The following NDUFA10 variants were observed in gnomAD, a reference collection of about 807,000 sequenced individuals.
The protein encoded by NDUFA10 is NADH:ubiquinone oxidoreductase subunit A10.
A neutral mutation model predicts 47.8 loss-of-function variants in NDUFA10; 40 were observed. The observed-to-expected ratio is 0.84, with a 90% CI of 0.65 to 1.09. NDUFA10 has a LOEUF of 1.09. Ranked by LOEUF, NDUFA10 falls within the 50% of genes least tolerant of loss-of-function variation. The pLI is 0.00. For missense variants in NDUFA10, 413 were observed against 451.1 expected (o/e 0.92, Z 0.76); for synonymous variants, 183 against 172.2 (o/e 1.06, Z -0.49).
intron 4 of NDUFA10, among the ~76,000 whole-genome samples, chr2:239,922,524 T>C (rs1694006375): frequency 6.6e-6 from 1 of 152,228 alleles, no homozygotes; most frequent in African/African-American, 2.4e-5. Context: ...TGACCATGTG[T>C]TCCTCTAGAC....
intron 8 of NDUFA10, among the ~76,000 whole-genome samples, chr2:239,999,030 G>A (rs931195404): frequency 1.3e-5 from 2 of 152,172 alleles, no homozygotes; most frequent in African/African-American, 2.4e-5. Flanking sequence ...TGAGCTGCTG[G>A]CAGAGGGGAG....
In NDUFA10 at chr2:240,014,753, G is replaced by A. The variant is rs866538036; in HGVS notation, c.655C>T (p.Gln219Ter). The change falls in exon 5 of 10, where the codon CAG becomes TAG. Residue 219 changes from glutamine (Q) to a stop codon, truncating the protein, a stop_gained. Transcript: ENST00000252711. LOFTEE classifies it high-confidence loss of function. ...VPVPEVQRRIQKKGDPHEMKI... is the reference protein window; with the variant it reads ...VPVPEVQRRI ...AACTGCATTACATCTCCTTTCTTCTGAATCCGCCTCTGGACCTCTGGAACG... is the reference window on the plus strand; with the variant it reads ...AACTGCATTACATCTCCTTTCTTCTAAATCCGCCTCTGGACCTCTGGAACG... 2 of 1,614,062 alleles carry A rather than the reference G, an allele frequency of 1.2e-6. No homozygotes were observed. Among genetic ancestry groups the A allele is most frequent in the African/African-American group, 2.7e-5 (2 of 74,918 alleles).
intron 4 of NDUFA10, among the ~76,000 whole-genome samples, chr2:239,929,383 C>T (rs565395111): frequency 3.3e-5 from 5 of 152,264 alleles, no homozygotes; most frequent in African/African-American, 1.2e-4. Flanking sequence ...CTCTTGTGGT[C>T]TCAGGTCTCA....
At chr2:239,904,241 G>A (rs538382576) in intron 4 of NDUFA10, among the ~76,000 whole-genome samples, 48 of 151,900 alleles carry the variant, frequency 3.2e-4, no homozygotes, top group Admixed American at 3.1e-3. Flanking sequence ...CAACCCTAAA[G>A]GTGCCTCTTC....
rs567989168 is a variant in NDUFA10 at position 239,945,516 on chromosome 2, C to T, written c.294+44558G>A. Among the ~76,000 whole-genome samples the T allele has an allele frequency of 2.4e-4, 37 of 152,218 alleles. No homozygotes were observed. The East Asian group carries it at 2.9e-3, about 12-fold the overall frequency. On this transcript the variant is annotated intron_variant, in intron 4 of 5. Coordinates refer to the NDUFA10 transcript ENST00000419408. This position sits in a 1 kb window ranked among gnomAD's most constrained non-coding sequence, Gnocchi z 4.6. ...CACCGCGAGGCTCCCTGCGCCCCAC[C>T]GAGCCGGTCAGGGCTGCAGTCTACC...
intron 6 of NDUFA10, among the ~76,000 whole-genome samples, chr2:240,008,070 C>T (rs1476779943): frequency 3.3e-5 from 5 of 152,196 alleles, no homozygotes; most frequent in Admixed American, 6.5e-5. Context: ...CTTCAACAGA[C>T]CACTGGTTGA....
In NDUFA10 at chr2:239,990,140, A is replaced by G; in HGVS notation, c.933T>C (p.Pro311=). 1 of 1,614,068 alleles carries G rather than the reference A, an allele frequency of 6.2e-7. No individual in the cohort carries two copies. Among genetic ancestry groups the G allele is most frequent in the Non-Finnish European group, 8.5e-7 (1 of 1,179,922 alleles). The change falls in exon 9 of 10, where the codon CCT becomes CCC. Residue 311 remains proline, a synonymous_variant. Coordinates refer to ENST00000252711, the MANE Select transcript of NDUFA10 (RefSeq NM_004544.4). The part of the protein sequence containing the change: ...KFEVLNYTSI[P]IFLPEVTIGA... ...CAATGGTGACTTCCGGGAGAAAGATAGGAATGCTTGTGTAATTCAGCACCT... is the reference window on the plus strand; with the variant it reads ...CAATGGTGACTTCCGGGAGAAAGATGGGAATGCTTGTGTAATTCAGCACCT...
chr2:239,976,058 C>G lies in NDUFA10; in HGVS notation c.999+14016G>C, dbSNP rs1695503794. 2.6e-5 allele frequency among the ~76,000 whole-genome samples: 4 copies of G among 152,266 alleles called. No homozygotes were observed. The South Asian group carries it at 8.3e-4, about 32-fold the overall frequency. On this transcript the variant is annotated intron_variant, in intron 9 of 9. Transcript: ENST00000252711. ...TTACTCTAAATAAAGCCCATAAATC[C>G]TCAGTATCTATGAATCTTAAATTCT...
intron 9 of NDUFA10, among the ~76,000 whole-genome samples, chr2:239,971,959 GTC>G (rs1357338765): frequency 6.6e-6 from 1 of 152,124 alleles, no homozygotes; most frequent in African/African-American, 2.4e-5. Context: ...TTTCTTGGGT[GTC>G]TGTTAGGTTA....
At chr2:240,017,747 G>T in intron 4 of NDUFA10, 2 of 1,308,998 alleles carry the variant, frequency 1.5e-6, no homozygotes, top group Non-Finnish European at 2.2e-6. Context: ...AAGCTCACAG[G>T]TGGAGTACCG....
Position 239,990,101 on chromosome 2 carries a change from A to G in NDUFA10, c.972T>C (p.Thr324=), listed in dbSNP as rs1253657233. ...LPEVTIGAHQ[T]DRVLHQFREL... ...CTCTGAACTGATGTAAGACACGGTCAGTCTGATGAGCTCCAATGGTGACTT... is the reference window on the plus strand; with the variant it reads ...CTCTGAACTGATGTAAGACACGGTCGGTCTGATGAGCTCCAATGGTGACTT... The change falls in exon 9 of 10, where the codon ACT becomes ACC. Residue 324 remains threonine (T), a synonymous_variant. Coordinates refer to ENST00000252711, the MANE Select transcript of NDUFA10 (RefSeq NM_004544.4). 2 of 1,612,930 alleles carry G rather than the reference A, an allele frequency of 1.2e-6. No homozygotes were observed. Among genetic ancestry groups the G allele is most frequent in the African/African-American group, 2.7e-5 (2 of 74,908 alleles).
chr2:239,979,526 A>G (rs1695684535), intron 9 of NDUFA10, among the ~76,000 whole-genome samples: 1 of 152,076 alleles, frequency 6.6e-6, no homozygotes, highest in Admixed American at 6.5e-5. Context: ...GAAAACCTAA[A>G]AAGCAAGAAG....
chr2:239,971,089 T>G (rs1695286884), intron 9 of NDUFA10, among the ~76,000 whole-genome samples: 1 of 152,252 alleles, frequency 6.6e-6, no homozygotes, highest in Non-Finnish European at 1.5e-5. Context: ...AGGCAGTTAC[T>G]TATCAGAGAA....
intron 9 of NDUFA10, among the ~76,000 whole-genome samples, chr2:239,963,792 A>G (rs749758236): frequency 1.3e-4 from 20 of 152,202 alleles, no homozygotes; most frequent in Non-Finnish European, 2.9e-4. Flanking sequence ...GCTGGACAAG[A>G]GAAGAGGCCA....
At chr2:240,015,637 G>C (rs532980571) in intron 4 of NDUFA10, among the ~76,000 whole-genome samples, 2 of 152,162 alleles carry the variant, frequency 1.3e-5, no homozygotes, top group Non-Finnish European at 2.9e-5. Flanking sequence ...GGGGGCACCC[G>C]CAGGGCCCGT....
In NDUFA10 at chr2:239,959,658, GGACA is replaced by G; in HGVS notation, c.*1456_*1459del. ...GGAGGAAGGGAAGGGAGGAAAACAA[GGACA>G]GACGGAAGGAAGGAAGGAAGAGAAG... is the stretch of plus-strand genomic sequence containing the variant. On this transcript the variant is annotated 3_prime_UTR_variant, in exon 10 of 10. Coordinates refer to ENST00000252711, the MANE Select transcript of NDUFA10 (RefSeq NM_004544.4). 1 of 963,476 alleles carries G rather than the reference GGACA, an allele frequency of 1.0e-6. No individual in the cohort carries two copies. Among genetic ancestry groups the G allele is most frequent in the Non-Finnish European group, 1.2e-6 (1 of 812,566 alleles). The allele number at this position is 963,476 out of a possible 1,614,324, so 59.7% of individuals were successfully genotyped here.
chr2:239,902,474 C>T (rs1693570679), intron 4 of NDUFA10, among the ~76,000 whole-genome samples: 1 of 152,178 alleles, frequency 6.6e-6, no homozygotes, highest in South Asian at 2.1e-4. Flanking sequence ...TATTTGCACA[C>T]TGAATAGACT....
chr2:239,978,338 A>T (rs1399673066), intron 9 of NDUFA10, among the ~76,000 whole-genome samples: 2 of 152,136 alleles, frequency 1.3e-5, no homozygotes, highest in Admixed American at 1.3e-4. Flanking sequence ...CTGGTCATCA[A>T]CGCAGTATCC....
intron 4 of NDUFA10, among the ~76,000 whole-genome samples, chr2:239,946,922 G>A (rs1347966693): frequency 2.0e-5 from 3 of 152,142 alleles, no homozygotes; most frequent in African/African-American, 7.2e-5. Flanking sequence ...TTGGTGAAAT[G>A]AGGATAAGGC....
Sources: gnomAD v4.1 joint callset for allele counts (sites outside exome capture counted in the v4.1 genomes callset) on GRCh38, gnomAD v4.1.1 for gene constraint, Gnocchi (gnomAD v3.1) non-coding constraint, MANE v1.5 for transcripts, NCBI Gene and HGNC (gene_info 2026-07-23, HGNC 2026-07-21) for gene names.